Variants in DOCK5 observed in about 807,000 individuals in gnomAD.
The protein encoded by DOCK5 is dedicator of cytokinesis protein 5.
In DOCK5, 142 loss-of-function variants were observed where a neutral mutation model predicts 251.8. The observed-to-expected ratio is 0.56, with a 90% CI of 0.49 to 0.65. DOCK5 has a LOEUF of 0.65. Ranked by LOEUF, DOCK5 falls within the 30% of genes least tolerant of loss-of-function variation. The pLI is 0.00. For missense variants in DOCK5, 2,111 were observed against 2,312.3 expected (o/e 0.91, Z 1.79); for synonymous variants, 842 against 835.5 (o/e 1.01, Z -0.13).
intron 3 of DOCK5, among the ~76,000 whole-genome samples, chr8:25,269,296 A>G (rs185319286): frequency 4.6e-5 from 7 of 152,310 alleles, no homozygotes; most frequent in Admixed American, 3.3e-4. Context: ...CTTCATTGTA[A>G]ATTGGATAAA....
chr8:25,382,263 C>T (rs1176551578), intron 39 of DOCK5, among the ~76,000 whole-genome samples: 2 of 152,204 alleles, frequency 1.3e-5, no homozygotes, highest in Non-Finnish European at 2.9e-5. Context: ...AGGCGTGAGC[C>T]ACTGCGCCTG....
chr8:25,329,653 C>T (rs996175513), intron 18 of DOCK5, among the ~76,000 whole-genome samples: 22 of 152,016 alleles, frequency 1.4e-4, no homozygotes, highest in Admixed American at 1.3e-4. Context: ...CCCAGAAATC[C>T]CACCTTAGTT....
Position 25,323,929 on chromosome 8 carries a change from G to GGTTTATAA in DOCK5, c.1698_1699insTTTATAAG (p.His567PhefsTer23). The GGTTTATAA allele has an allele frequency of 6.2e-7, 1 of 1,612,630 alleles. No homozygotes were observed. Among genetic ancestry groups the GGTTTATAA allele is most frequent in the Non-Finnish European group, 8.5e-7 (1 of 1,179,332 alleles). On this transcript the variant is annotated frameshift_variant, in exon 17 of 52. Transcript: ENST00000276440. LOFTEE classifies it high-confidence loss of function. ...GATGGCACCACTCTGCAGGATGGGA[G>GGTTTATAA]GCACGATCTGGTGGTTTATAAGGTG...
At chr8:25,250,331 T>G (rs1194264102) in intron 2 of DOCK5, among the ~76,000 whole-genome samples, 2 of 152,226 alleles carry the variant, frequency 1.3e-5, no homozygotes, top group Non-Finnish European at 2.9e-5. Flanking sequence ...TCTCCAGGAA[T>G]TATTTGTCTT....
intron 37 of DOCK5, chr8:25,374,919 A>AC: frequency 7.8e-7 from 1 of 1,283,682 alleles, no homozygotes; most frequent in Non-Finnish European, 9.9e-7. Context: ...TAAAGCAATA[A>AC]AACACACATT....
chr8:25,246,765 G>T, intron 2 of DOCK5, among the ~76,000 whole-genome samples: 1 of 144,770 alleles, frequency 6.9e-6, no homozygotes, highest in African/African-American at 2.8e-5. Context: ...TGGCGGGGGC[G>T]GGGTGGGGCA....
At chr8:25,389,973 A>G (rs1053234551) in intron 41 of DOCK5, among the ~76,000 whole-genome samples, 3 of 122,182 alleles carry the variant, frequency 2.5e-5, no homozygotes, top group Non-Finnish European at 5.1e-5. Flanking sequence ...ATTGTTTGCC[A>G]GATGTCTGAC....
At chr8:25,274,784 TGCA>T (rs1383130428) in intron 3 of DOCK5, among the ~76,000 whole-genome samples, 2 of 151,416 alleles carry the variant, frequency 1.3e-5, no homozygotes, top group African/African-American at 2.4e-5. Flanking sequence ...GTTTGAACTC[TGCA>T]GCACTTCCAC....
rs929543256 is a variant in DOCK5 at position 25,400,868 on chromosome 8, C to G, written c.4789-61C>G. 3 of 1,597,134 alleles carry G rather than the reference C, an allele frequency of 1.9e-6. No individual in the cohort carries two copies. In the Admixed American group the frequency reaches 5.1e-5, roughly 27 times the overall value. The stretch of plus-strand genomic sequence containing the variant: ...CCACCCCATCCCTCCCTTCCCCAAC[C>G]AAATCAAAACGATCCCTCTTCCTGA... On this transcript the variant is annotated intron_variant, in intron 46 of 51. Coordinates refer to ENST00000276440, the MANE Select transcript of DOCK5 (RefSeq NM_024940.8).
intron 1 of DOCK5, among the ~76,000 whole-genome samples, chr8:25,187,090 A>C (rs761028945): frequency 1.5e-4 from 22 of 151,586 alleles, no homozygotes; most frequent in Non-Finnish European, 2.8e-4. Context: ...GGTTCTAGCT[A>C]CTGAGGAGGC....
At chr8:25,265,959 A>G (rs1803734231) in intron 2 of DOCK5, among the ~76,000 whole-genome samples, 1 of 151,888 alleles carries the variant, frequency 6.6e-6, no homozygotes. Flanking sequence ...AAAGCAGAAA[A>G]GACTTGTGAG....
At chr8:25,286,708 G>A (rs1304866394) in intron 5 of DOCK5, among the ~76,000 whole-genome samples, 1 of 151,782 alleles carries the variant, frequency 6.6e-6, no homozygotes, top group Admixed American at 6.6e-5. Context: ...CTGCCACCCA[G>A]GCAGGAGGGC....
In DOCK5 at chr8:25,400,940, A is replaced by G; in HGVS notation, c.4800A>G (p.Leu1600=). Residue 1600 remains leucine, a synonymous_variant, in exon 47 of 52, where the codon CTA becomes CTG. Coordinates refer to ENST00000276440, the MANE Select transcript of DOCK5 (RefSeq NM_024940.8). ...KRLIALQMPL[L]TEGIRIHGEK... is the part of the protein sequence containing the mutation. ...GCCCTTCTTTCCAGATGCCCCTGCT[A>G]ACAGAAGGGATCCGCATCCATGGGG... 1.2e-6 allele frequency: 2 copies of G among 1,614,014 alleles called. No individual in the cohort carries two copies. Among genetic ancestry groups the G allele is most frequent in the Non-Finnish European group, 1.7e-6 (2 of 1,179,888 alleles).
intron 49 of DOCK5, 127 bp downstream of exon 49, chr8:25,408,281 G>A (rs1801558911): frequency 1.9e-6 from 2 of 1,050,010 alleles, no homozygotes; most frequent in East Asian, 5.2e-5. Context: ...TCAGCAGCCT[G>A]GGTTAGTGTC....
chr8:25,347,270 T>C (rs1373033255), intron 26 of DOCK5, among the ~76,000 whole-genome samples: 1 of 152,224 alleles, frequency 6.6e-6, no homozygotes, highest in African/African-American at 2.4e-5. Flanking sequence ...CTCAGAAGTA[T>C]GTGAGGGTAC....
At chr8:25,335,287 C>T (rs2117222438) in intron 21 of DOCK5, among the ~76,000 whole-genome samples, 1 of 152,270 alleles carries the variant, frequency 6.6e-6, no homozygotes, top group African/African-American at 2.4e-5. Flanking sequence ...GCAATAGCTA[C>T]AAATGAGGAA....
chr8:25,299,049 G>T lies in DOCK5; in HGVS notation c.712G>T (p.Asp238Tyr). 6.2e-7 allele frequency: 1 copy of T among 1,613,898 alleles called. No homozygotes were observed. The highest frequency in any genetic ancestry group is 8.5e-7 in the Non-Finnish European group (1 of 1,179,882). Residue 238 changes from aspartate to tyrosine, a missense_variant, in exon 8 of 52, where the codon GAT (aspartate) becomes TAT (tyrosine). Physicochemically the swap from Asp to Tyr is radical, Grantham distance 160. Transcript: ENST00000276440. ...FKNFVCNIGE[D>Y]AELFMALYDP... ...GAACTTTGTCTGCAACATCGGGGAA[G>T]ATGCAGAGTTGTTTATGGCCCTCTA... is the stretch of plus-strand genomic sequence containing the variant.
At chr8:25,262,881 A>G (rs1474476283) in intron 2 of DOCK5, among the ~76,000 whole-genome samples, 1 of 150,834 alleles carries the variant, frequency 6.6e-6, no homozygotes, top group African/African-American at 2.5e-5. Context: ...ATGCAGCGGC[A>G]TGATCTCAGC....
At chr8:25,271,094 A>C (rs1456107136) in intron 3 of DOCK5, 1 of 359,858 alleles carries the variant, frequency 2.8e-6, no homozygotes, top group Non-Finnish European at 5.0e-6. Context: ...TCTAGCTAAT[A>C]GTGCCATTGT....
Sources: gnomAD v4.1 joint callset for allele counts (sites outside exome capture counted in the v4.1 genomes callset) on GRCh38, gnomAD v4.1.1 for gene constraint, MANE v1.5 for transcripts, NCBI Gene and HGNC (gene_info 2026-07-23, HGNC 2026-07-21) for gene names.